Variants in VAV2 observed in about 807,000 individuals in gnomAD.
The protein encoded by VAV2 is guanine nucleotide exchange factor VAV2.
VAV2 carries 67 observed loss-of-function variants against 132.5 expected under a neutral mutation model. The observed-to-expected ratio is 0.51, with a 90% CI of 0.42 to 0.62. The LOEUF (loss-of-function observed/expected upper bound fraction) is 0.62. Among genes scored for constraint, VAV2 ranks in the 20% least tolerant of loss-of-function variants. VAV2 has a pLI of 0.00. For synonymous variants in VAV2, 492 were observed against 443.5 expected (o/e 1.11, Z -1.37); for missense variants, 938 against 1,153.6 (o/e 0.81, Z 2.71).
chr9:133,807,590 T>G (rs1233685612), intron 7 of VAV2, among the ~76,000 whole-genome samples: 1 of 152,182 alleles, frequency 6.6e-6, no homozygotes, highest in Non-Finnish European at 1.5e-5. Flanking sequence ...CAGGGTGGAC[T>G]TGGGCACTAT....
At chr9:133,941,412 A>G (rs1352636683) in intron 1 of VAV2, among the ~76,000 whole-genome samples, 1 of 79,244 alleles carries the variant, frequency 1.3e-5, no homozygotes, top group Non-Finnish European at 2.8e-5. Flanking sequence ...CGTCTCAAAA[A>G]AAAGAAAAAA....
intron 22 of VAV2, among the ~76,000 whole-genome samples, chr9:133,778,365 G>T (rs1833889367): frequency 6.6e-6 from 1 of 152,226 alleles, no homozygotes; most frequent in Non-Finnish European, 1.5e-5. Context: ...CCTGAACTGA[G>T]GTAGGGGTGG....
intron 9 of VAV2, among the ~76,000 whole-genome samples, chr9:133,800,233 C>T (rs1334503214): frequency 6.6e-6 from 1 of 152,244 alleles, no homozygotes; most frequent in Non-Finnish European, 1.5e-5. Flanking sequence ...GGTCCAGGGG[C>T]ACCCCAAACC....
intron 1 of VAV2, among the ~76,000 whole-genome samples, chr9:133,975,732 G>A (rs752706815): frequency 2.6e-5 from 4 of 152,228 alleles, no homozygotes; most frequent in African/African-American, 4.8e-5. Context: ...GGGTCCAAGA[G>A]AGTGTTGAGC....
intron 1 of VAV2, among the ~76,000 whole-genome samples, chr9:133,973,925 G>C (rs1842423447): frequency 6.6e-6 from 1 of 152,216 alleles, no homozygotes; most frequent in African/African-American, 2.4e-5. Context: ...AATTCAGGAG[G>C]AAAATGAGGA....
At chr9:133,936,768 TG>T (rs1242314150) in intron 2 of VAV2, among the ~76,000 whole-genome samples, 1 of 152,120 alleles carries the variant, frequency 6.6e-6, no homozygotes, top group Non-Finnish European at 1.5e-5. Flanking sequence ...CCATGACTCA[TG>T]GTCCAAACCC....
At chr9:133,821,764 TGAG>T (rs1417204069) in intron 4 of VAV2, among the ~76,000 whole-genome samples, 2 of 152,188 alleles carry the variant, frequency 1.3e-5, no homozygotes, top group African/African-American at 4.8e-5. Flanking sequence ...CAGTGGTCCA[TGAG>T]GAGGCCCGAG....
chr9:133,807,698 G>A (rs2131688589), intron 7 of VAV2, among the ~76,000 whole-genome samples: 1 of 152,316 alleles, frequency 6.6e-6, no homozygotes, highest in Admixed American at 6.5e-5. Context: ...GGATGGACAG[G>A]GCCATGGTCC....
intron 3 of VAV2, among the ~76,000 whole-genome samples, chr9:133,851,812 G>A (rs987868507): frequency 6.9e-6 from 1 of 144,490 alleles, no homozygotes; most frequent in Non-Finnish European, 1.5e-5. Context: ...TGGATGGATG[G>A]ATGGATGGAT....
rs1003712207 is a variant in VAV2 at position 133,833,567 on chromosome 9, G to C, written c.449+705C>G. Among the ~76,000 whole-genome samples the C allele has an allele frequency of 1.3e-5, 2 of 152,118 alleles. No homozygotes were observed. Among genetic ancestry groups the C allele is most frequent in the Non-Finnish European group, 2.9e-5 (2 of 68,010 alleles). ...CCGTGAGGCCCCAGCAAGGATGCTC[G>C]GTCTCAGCCCAGGTCCCTCACCTGC... is the stretch of plus-strand genomic sequence containing the variant. On this transcript the variant is annotated intron_variant, in intron 4 of 29. Coordinates refer to ENST00000371850, the MANE Select transcript of VAV2 (RefSeq NM_001134398.2). The surrounding 1 kb of genome is among the most constrained non-coding windows in gnomAD (Gnocchi z 5.6).
chr9:133,779,592 G>A (rs926149448), intron 21 of VAV2, among the ~76,000 whole-genome samples: 3 of 152,248 alleles, frequency 2.0e-5, no homozygotes, highest in African/African-American at 7.2e-5. Context: ...GATGGAGAAC[G>A]TGGTGGGAGA....
At position 133,823,921 on chromosome 9, in the gene VAV2, C is replaced by T. The variant is rs1037992905; in HGVS notation, c.449+10351G>A. Reference sequence around the variant, plus strand: ...TGGTCACGCGCACCTGCTCTGCGTGCGTCAGAGGGTTCCCCTGCGATCTCC... The same window carrying T: ...TGGTCACGCGCACCTGCTCTGCGTGTGTCAGAGGGTTCCCCTGCGATCTCC... On this transcript the variant is annotated intron_variant, in intron 4 of 29. Transcript: ENST00000371850. The surrounding 1 kb of genome is among the most constrained non-coding windows in gnomAD (Gnocchi z 5.5). Among the ~76,000 whole-genome samples, 15 of 152,260 alleles carry T rather than the reference C, an allele frequency of 9.9e-5. No homozygotes were observed. The highest frequency in any genetic ancestry group is 5.8e-4 in the East Asian group (3 of 5,172).
chr9:133,776,232 G>A, intron 23 of VAV2, 152 bp from the exon 24 acceptor site: 1 of 1,143,154 alleles, frequency 8.7e-7, no homozygotes, highest in Non-Finnish European at 1.2e-6. Context: ...CCTGGCCTGG[G>A]AGGTGCCCAA....
chr9:133,908,331 G>A (rs139849038), intron 2 of VAV2, among the ~76,000 whole-genome samples: 6 of 152,086 alleles, frequency 3.9e-5, no homozygotes, highest in African/African-American at 1.2e-4. Context: ...CTGAGACTTC[G>A]TTCCCCAGCA....
At chr9:133,986,628 A>G (rs376989037) in intron 1 of VAV2, among the ~76,000 whole-genome samples, 1 of 152,210 alleles carries the variant, frequency 6.6e-6, no homozygotes, top group Non-Finnish European at 1.5e-5. Context: ...GGTTCAAGAA[A>G]AAGTTACCTG....
intron 4 of VAV2, among the ~76,000 whole-genome samples, chr9:133,831,915 G>A (rs917869141): frequency 1.3e-5 from 2 of 152,222 alleles, no homozygotes; most frequent in Non-Finnish European, 2.9e-5. Flanking sequence ...CTGGACCTCA[G>A]TTTCCTTATC....
chr9:133,929,930 G>A (rs780261278), intron 2 of VAV2, among the ~76,000 whole-genome samples: 1 of 152,190 alleles, frequency 6.6e-6, no homozygotes, highest in African/African-American at 2.4e-5. Flanking sequence ...CTTTTTTTAA[G>A]CAAAATGTCA....
Position 133,992,191 on chromosome 9 carries a change from C to A in VAV2, c.88G>T (p.Val30Phe). 6.3e-7 allele frequency: 1 copy of A among 1,598,960 alleles called. No homozygotes were observed. Among genetic ancestry groups the A allele is most frequent in the Admixed American group, 1.7e-5 (1 of 58,562 alleles). ...NHRVVWPSAV[V>F]FDLAQALRDG... ...CGCAGCGCCTGCGCCAGGTCGAAGA[C>A]CACGGCCGAGGGCCACACCACCCGG... Residue 30 changes from valine to phenylalanine, a missense_variant, in exon 1 of 30, where the codon GTC (valine) becomes TTC (phenylalanine). Physicochemically the swap from Val to Phe is conservative, Grantham distance 50. Transcript: ENST00000371850. This position sits in a 1 kb window ranked among gnomAD's most constrained non-coding sequence, Gnocchi z 5.5.
intron 1 of VAV2, among the ~76,000 whole-genome samples, chr9:133,940,610 G>A (rs953134890): frequency 6.6e-6 from 1 of 151,912 alleles, no homozygotes; most frequent in African/African-American, 2.4e-5. Context: ...GGCAGGGGTC[G>A]GCTGCTGTTC....
Sources: gnomAD v4.1 joint callset for allele counts (sites outside exome capture counted in the v4.1 genomes callset) on GRCh38, gnomAD v4.1.1 for gene constraint, Gnocchi (gnomAD v3.1) non-coding constraint, MANE v1.5 for transcripts, NCBI Gene and HGNC (gene_info 2026-07-23, HGNC 2026-07-21) for gene names.